HIPK2: variants seen among roughly 807,000 people sequenced by gnomAD.
HIPK2 encodes the protein homeodomain-interacting protein kinase 2.
In HIPK2, 27 loss-of-function variants were observed where a neutral mutation model predicts 113.7. The observed-to-expected ratio is 0.24, with a 90% CI of 0.17 to 0.33. HIPK2 has a LOEUF of 0.33. HIPK2 is among the 10% of genes least tolerant of loss of function. The pLI is 1.00. For missense variants in HIPK2, 1,257 were observed against 1,588.0 expected (o/e 0.79, Z 3.54); for synonymous variants, 631 against 642.2 (o/e 0.98, Z 0.26).
chr7:139,679,379 G>C (rs1393233856), intron 2 of HIPK2, among the ~76,000 whole-genome samples: 1 of 152,110 alleles, frequency 6.6e-6, no homozygotes, highest in Non-Finnish European at 1.5e-5. Flanking sequence ...AATTTTGAAG[G>C]GGACCCATTA....
chr7:139,602,315 C>T (rs970557910), intron 10 of HIPK2, among the ~76,000 whole-genome samples: 1 of 152,166 alleles, frequency 6.6e-6, no homozygotes, highest in Non-Finnish European at 1.5e-5. Context: ...ACAGGTGGCA[C>T]TCTTTCTCTT....
chr7:139,716,066 A>G lies in HIPK2; in HGVS notation c.969T>C (p.Ala323=). The G allele has an allele frequency of 6.2e-7, 1 of 1,614,148 alleles. No individual in the cohort carries two copies. The highest frequency in any genetic ancestry group is 2.2e-5 in the East Asian group (1 of 44,886). Residue 323 remains alanine, a synonymous_variant, in exon 2 of 15, where the codon GCT becomes GCC. Coordinates refer to ENST00000406875, the MANE Select transcript of HIPK2 (RefSeq NM_022740.5). The surrounding 1 kb of genome is among the most constrained non-coding windows in gnomAD (Gnocchi z 9.3). ...GCATGATGTTTTCTGGTTTGAGGTC[A>G]GCGTGGATAAGACCTAGGCTTTTGA... ...MKLKSLGLIH[A]DLKPENIMLV... is the part of the protein sequence containing the mutation.
Position 139,631,946 on chromosome 7 carries a change from A to C in HIPK2, c.1104-221T>G, listed in dbSNP as rs762698949. Among the ~76,000 whole-genome samples, 10 of 152,164 alleles carry C rather than the reference A, an allele frequency of 6.6e-5. No homozygotes were observed. Among genetic ancestry groups the C allele is most frequent in the Non-Finnish European group, 1.5e-4 (10 of 68,030 alleles). ...CTTGGAAGGTTGGCTGAGATGAAGG[A>C]TAAGTCTGTGTGTTTAGAACACACC... On this transcript the variant is annotated intron_variant, in intron 2 of 14. Transcript: ENST00000406875. The surrounding 1 kb of genome is among the most constrained non-coding windows in gnomAD (Gnocchi z 4.9).
At chr7:139,673,826 TC>T (rs1802392525) in intron 2 of HIPK2, among the ~76,000 whole-genome samples, 1 of 141,266 alleles carries the variant, frequency 7.1e-6, no homozygotes, top group Non-Finnish European at 1.5e-5. Context: ...GCCAGGTGGA[TC>T]ACTTGAGGTC....
In HIPK2 at chr7:139,673,142, G is replaced by A. The variant is rs1220005271; in HGVS notation, c.1104-41417C>T. Among the ~76,000 whole-genome samples, 5 of 150,614 alleles carry A rather than the reference G, an allele frequency of 3.3e-5. No homozygotes were observed. In the East Asian group the frequency reaches 7.8e-4, roughly 23 times the overall value. On this transcript the variant is annotated intron_variant, in intron 2 of 14. Transcript: ENST00000406875. ...AATGAAAAAGATGGGAGGGAAGATG[G>A]CCACTAAATTGTATTTGAAACCAAA... is the stretch of plus-strand genomic sequence containing the variant.
At position 139,572,818 on chromosome 7, in the gene HIPK2, T is replaced by G. The variant is rs1459256367; in HGVS notation, c.*109A>C. On this transcript the variant is annotated 3_prime_UTR_variant, in exon 15 of 15. Coordinates refer to ENST00000406875, the MANE Select transcript of HIPK2 (RefSeq NM_022740.5). ...GTTTGCATTGTTTGTGTGCGGCATC[T>G]TCAGTATAAAAGGCCAGCGCCCACG... The G allele has an allele frequency of 1.2e-5, 4 of 338,808 alleles. No individual in the cohort carries two copies. The highest frequency in any genetic ancestry group is 1.9e-5 in the Non-Finnish European group (4 of 212,828). 21.0% of individuals were successfully genotyped at this position (338,808 alleles called of 1,614,324 possible). A position where few individuals can be genotyped will look rare whatever the true frequency, so the allele number is the denominator to read the frequency against.
At chr7:139,676,915 G>A (rs1237025679) in intron 2 of HIPK2, among the ~76,000 whole-genome samples, 1 of 149,942 alleles carries the variant, frequency 6.7e-6, no homozygotes, top group African/African-American at 2.5e-5. Flanking sequence ...AGGCTGGAGT[G>A]CAATGGCATG....
chr7:139,754,933 A>T (rs1430357172), intron 1 of HIPK2, among the ~76,000 whole-genome samples: 1 of 152,138 alleles, frequency 6.6e-6, no homozygotes, highest in African/African-American at 2.4e-5. Context: ...GATGGTTCAT[A>T]CGGATGATAC....
rs766877652 is a variant in HIPK2, at chr7:139,614,314, A to G, written c.1962T>C (p.Ala654=). ...GGAAGCCGGGGGGACACACGATGAG[A>G]GCTTGCTGGAACGGGTCAGGCCGGG... ...ICARPDPFQQ[A]LIVCPPGFQG... Residue 654 remains alanine (A), a synonymous_variant, in exon 8 of 15, where the codon GCT becomes GCC. Transcript: ENST00000406875. 22 of 1,545,662 alleles carry G rather than the reference A, an allele frequency of 1.4e-5. No individual in the cohort carries two copies. The East Asian group carries it at 4.8e-4, about 34-fold the overall frequency.
chr7:139,668,389 A>G (rs2116611676), intron 2 of HIPK2, among the ~76,000 whole-genome samples: 1 of 152,020 alleles, frequency 6.6e-6, no homozygotes, highest in East Asian at 1.9e-4. Context: ...GTGAAACCCC[A>G]TCTCTACTAA....
rs749985664 is a variant in HIPK2 at position 139,573,181 on chromosome 7, C to T, written c.3343G>A (p.Gly1115Ser). 32 of 1,534,358 alleles carry T rather than the reference C, an allele frequency of 2.1e-5. No individual in the cohort carries two copies. In the East Asian group the frequency reaches 4.6e-4, roughly 22 times the overall value. The change falls in exon 15 of 15, where the codon GGC becomes AGC. Residue 1115 changes from glycine (G) to serine (S), a missense_variant. Physicochemically the swap from Gly to Ser is moderately conservative, Grantham distance 56. Coordinates refer to ENST00000406875, the MANE Select transcript of HIPK2 (RefSeq NM_022740.5). ...YTAPAALGST[G>S]TVAHLVASQG... ...GAGGCCACCAGGTGGGCCACGGTGCCGGTGGAGCCCAGGGCCGCCGGCGCA... is the reference window on the plus strand; with the variant it reads ...GAGGCCACCAGGTGGGCCACGGTGCTGGTGGAGCCCAGGGCCGCCGGCGCA...
chr7:139,586,303 T>A (rs1326775180), intron 12 of HIPK2, among the ~76,000 whole-genome samples: 1 of 152,220 alleles, frequency 6.6e-6, no homozygotes, highest in Non-Finnish European at 1.5e-5. Context: ...AGCAATTCCA[T>A]TCCTAAGTAC....
At chr7:139,749,409 G>C (rs1442428208) in intron 1 of HIPK2, among the ~76,000 whole-genome samples, 1 of 152,246 alleles carries the variant, frequency 6.6e-6, no homozygotes, top group Non-Finnish European at 1.5e-5. Flanking sequence ...TTTAGTGCTA[G>C]AAAACCTGGC....
rs1795160553 is a variant in HIPK2, at chr7:139,714,451, T to A, written c.1103+1481A>T. Among the ~76,000 whole-genome samples, 1 of 152,192 alleles carries A rather than the reference T, an allele frequency of 6.6e-6. No individual in the cohort carries two copies. The highest frequency in any genetic ancestry group is 2.4e-5 in the African/African-American group (1 of 41,546). On this transcript the variant is annotated intron_variant, in intron 2 of 14. Transcript: ENST00000406875. This position sits in a 1 kb window ranked among gnomAD's most constrained non-coding sequence, Gnocchi z 4.2. Reference sequence around the variant, plus strand: ...GCTGAGGGAGGGGCTGGGAGGAGACTTGCAACAGCTCTGCCTGCAGCCAGG... The same window carrying A: ...GCTGAGGGAGGGGCTGGGAGGAGACATGCAACAGCTCTGCCTGCAGCCAGG...
At position 139,777,591 on chromosome 7, in the gene HIPK2, C is replaced by T; in HGVS notation, c.19+14G>A. The stretch of plus-strand genomic sequence containing the variant: ...GCGGCGGGCGCGGGGTCGGCGGGGC[C>T]GGGCGCCCCTTACCTTCGTACACGG... On this transcript the variant is annotated intron_variant, in intron 1 of 14. Coordinates refer to ENST00000406875, the MANE Select transcript of HIPK2 (RefSeq NM_022740.5). 8 of 1,049,402 alleles carry T rather than the reference C, an allele frequency of 7.6e-6. No individual in the cohort carries two copies. The highest frequency in any genetic ancestry group is 6.2e-5 in the East Asian group (1 of 16,148). The allele number at this position is 1,049,402 out of a possible 1,614,324, so 65.0% of individuals were successfully genotyped here. A position where few individuals can be genotyped will look rare whatever the true frequency, so the allele number is the denominator to read the frequency against.
chr7:139,665,602 CCAT>C lies in HIPK2; in HGVS notation c.1104-33880_1104-33878del, dbSNP rs1436761033. Reference sequence around the variant, plus strand: ...TCCATCCATCCATCCATCCATCCATCCATCCACCCATGGTGCTTAGTCACAATT... The same window carrying C: ...TCCATCCATCCATCCATCCATCCATCCCACCCATGGTGCTTAGTCACAATT... On this transcript the variant is annotated intron_variant, in intron 2 of 14. Coordinates refer to ENST00000406875, the MANE Select transcript of HIPK2 (RefSeq NM_022740.5). Among the ~76,000 whole-genome samples, 10 of 152,004 alleles carry C rather than the reference CCAT, an allele frequency of 6.6e-5. 1 individual carries two copies. The highest frequency in any genetic ancestry group is 5.8e-4 in the East Asian group (3 of 5,158).
chr7:139,699,921 G>A (rs1046953021), intron 2 of HIPK2, among the ~76,000 whole-genome samples: 3 of 152,232 alleles, frequency 2.0e-5, no homozygotes, highest in Admixed American at 2.0e-4. Context: ...TGCCACCTTT[G>A]TCTGGGGCAC....
Position 139,777,473 on chromosome 7 carries a change from G to A in HIPK2, c.19+132C>T, listed in dbSNP as rs927150221. ...TCTTCCGGGCGAGGGAGGGGGTCGCGGCCCCCTCGGGCCCCGGGTGGGGGC... is the reference window on the plus strand; with the variant it reads ...TCTTCCGGGCGAGGGAGGGGGTCGCAGCCCCCTCGGGCCCCGGGTGGGGGC... On this transcript the variant is annotated intron_variant, in intron 1 of 14. Coordinates refer to ENST00000406875, the MANE Select transcript of HIPK2 (RefSeq NM_022740.5). The A allele has an allele frequency of 1.3e-4, 27 of 208,290 alleles. No homozygotes were observed. In the Admixed American group the frequency reaches 1.3e-3, roughly 10 times the overall value. 12.9% of individuals were successfully genotyped at this position (208,290 alleles called of 1,614,324 possible).
chr7:139,687,287 AGACAT>A (rs937631248), intron 2 of HIPK2, among the ~76,000 whole-genome samples: 27 of 152,232 alleles, frequency 1.8e-4, no homozygotes, highest in Admixed American at 1.7e-3. Context: ...GCAATTTTTT[AGACAT>A]GATATAGCAT....
Sources: allele counts gnomAD v4.1 joint callset (sites outside exome capture counted in the v4.1 genomes callset), GRCh38; gene constraint gnomAD v4.1.1; non-coding constraint Gnocchi (gnomAD v3.1); transcripts MANE v1.5; gene names NCBI Gene and HGNC (gene_info 2026-07-23, HGNC 2026-07-21).